ZNF831: variants seen among roughly 807,000 people sequenced by gnomAD.
ZNF831 encodes the protein zinc finger protein 831.
A neutral mutation model predicts 95.8 loss-of-function variants in ZNF831; 59 were observed. The observed-to-expected ratio is 0.62, with a 90% CI of 0.50 to 0.77. ZNF831 has a LOEUF of 0.77. Ranked by LOEUF, ZNF831 falls within the 30% of genes least tolerant of loss-of-function variation. The pLI, the probability that ZNF831 is intolerant of heterozygous loss-of-function variation, is 0.00. For missense variants in ZNF831, 2,205 were observed against 2,164.0 expected (o/e 1.02, Z -0.38); for synonymous variants, 961 against 925.5 (o/e 1.04, Z -0.70).
chr20:59,197,843 C>G (rs759456240), intron 3 of ZNF831, among the ~76,000 whole-genome samples: 2 of 152,124 alleles, frequency 1.3e-5, no homozygotes, highest in African/African-American at 4.8e-5. Flanking sequence ...GCCATCCAGA[C>G]GGAGGAGCTG....
chr20:59,195,323 C>T (rs1984005584), intron 2 of ZNF831, among the ~76,000 whole-genome samples: 1 of 152,208 alleles, frequency 6.6e-6, no homozygotes, highest in Admixed American at 6.5e-5. Flanking sequence ...GGGGTTCACG[C>T]ACCTGGTTGT....
At chr20:59,203,776 AT>A (rs1460234334) in intron 3 of ZNF831, among the ~76,000 whole-genome samples, 1 of 152,160 alleles carries the variant, frequency 6.6e-6, no homozygotes, top group Non-Finnish European at 1.5e-5. Flanking sequence ...ACAAAACTAC[AT>A]GAGTTAAAGA....
intron 3 of ZNF831, among the ~76,000 whole-genome samples, chr20:59,196,304 G>A: frequency 6.6e-6 from 1 of 152,274 alleles, no homozygotes; most frequent in South Asian, 2.1e-4. Context: ...AGCTTTTATT[G>A]TGTTTTTAAT....
chr20:59,162,984 C>A (rs1012652196), upstream of ZNF831, among the ~76,000 whole-genome samples: 2 of 150,978 alleles, frequency 1.3e-5, no homozygotes, highest in African/African-American at 4.9e-5. Flanking sequence ...TTGTAGAGAT[C>A]TTTCACCTCC....
chr20:59,168,978 T>C (rs1981512332), intron 1 of ZNF831, among the ~76,000 whole-genome samples: 1 of 152,190 alleles, frequency 6.6e-6, no homozygotes, highest in Admixed American at 6.5e-5. Context: ...AGGTTTTGAG[T>C]CTGTGTTCAT....
chr20:59,127,695 C>T (rs1459373000), intron 1 of ZNF831, among the ~76,000 whole-genome samples: 2 of 152,192 alleles, frequency 1.3e-5, no homozygotes, highest in African/African-American at 4.8e-5. Context: ...GTGTTTCCTG[C>T]CTGTGACTCC....
intron 1 of ZNF831, among the ~76,000 whole-genome samples, chr20:59,186,076 G>A (rs930320707): frequency 5.9e-5 from 9 of 152,194 alleles, no homozygotes; most frequent in African/African-American, 1.7e-4. Flanking sequence ...AGGCAGTCCC[G>A]ATGCAGGCAG....
chr20:59,147,057 T>C (rs893724550), intron 2 of ZNF831: 13 of 151,366 alleles, frequency 8.6e-5, no homozygotes, highest in African/African-American at 2.7e-4. Flanking sequence ...GGGAGCTGAG[T>C]GGGGACATCG....
chr20:59,162,123 G>A (rs1156623373), upstream of ZNF831, among the ~76,000 whole-genome samples: 1 of 152,032 alleles, frequency 6.6e-6, no homozygotes, highest in Non-Finnish European at 1.5e-5. Context: ...GTTGTTGTTT[G>A]TTTAAGTTCC....
intron 1 of ZNF831, among the ~76,000 whole-genome samples, chr20:59,187,194 G>A (rs1202310365): frequency 6.6e-6 from 1 of 152,180 alleles, no homozygotes; most frequent in Admixed American, 6.5e-5. Flanking sequence ...GTATGTAGGA[G>A]CTGGTGTGAA....
At chr20:59,150,529 G>T (rs1005159869) in intron 2 of ZNF831, among the ~76,000 whole-genome samples, 1 of 152,186 alleles carries the variant, frequency 6.6e-6, no homozygotes, top group African/African-American at 2.4e-5. Flanking sequence ...AGGCAATCCT[G>T]TATTTTTATA....
intron 1 of ZNF831, among the ~76,000 whole-genome samples, chr20:59,166,005 G>A (rs1190056386): frequency 6.6e-6 from 1 of 152,102 alleles, no homozygotes; most frequent in African/African-American, 2.4e-5. Context: ...ATCTGCCTCG[G>A]CCTCCCAAAG....
At chr20:59,148,231 T>G (rs1979985130) in intron 2 of ZNF831, among the ~76,000 whole-genome samples, 1 of 151,912 alleles carries the variant, frequency 6.6e-6, no homozygotes, top group Non-Finnish European at 1.5e-5. Flanking sequence ...CTCATCAGAG[T>G]AGGCTGGGAG....
rs1015377012 is a variant in ZNF831 at position 59,196,492 on chromosome 20, C to T, written c.3875+487C>T. Among the ~76,000 whole-genome samples the T allele has an allele frequency of 7.9e-5, 12 of 152,194 alleles. No individual in the cohort carries two copies. The East Asian group carries it at 2.1e-3, about 27-fold the overall frequency. The stretch of plus-strand genomic sequence containing the variant: ...TTTGCACATATCCACCCCCAACAAA[C>T]AGGAGGCCCTGTGGATTTTCCTGCC... On this transcript the variant is annotated intron_variant, in intron 3 of 5. Coordinates refer to ENST00000371030, the MANE Select transcript of ZNF831 (RefSeq NM_178457.3).
In ZNF831 at chr20:59,192,694, C is replaced by G; in HGVS notation, c.1675C>G (p.Arg559Gly). ...GACTGACGTTCCCAGTGGGCATCCCCGGGCCCTGGTCAGACAGGCCGCGGT... is the reference window on the plus strand; with the variant it reads ...GACTGACGTTCCCAGTGGGCATCCCGGGGCCCTGGTCAGACAGGCCGCGGT... Reference protein sequence around the residue: ...SSTDVPSGHPRALVRQAAVED... With the variant: ...SSTDVPSGHPGALVRQAAVED... The change falls in exon 2 of 6, where the codon CGG becomes GGG. Residue 559 changes from arginine (R) to glycine (G), a missense_variant. By Grantham distance (125) the Arg-to-Gly change is moderately radical. Transcript: ENST00000371030. The surrounding 1 kb of genome is among the most constrained non-coding windows in gnomAD (Gnocchi z 5.2). 1 of 1,580,628 alleles carries G rather than the reference C, an allele frequency of 6.3e-7. No individual in the cohort carries two copies. The highest frequency in any genetic ancestry group is 8.6e-7 in the Non-Finnish European group (1 of 1,165,054).
At chr20:59,133,929 G>A (rs759755925) in intron 1 of ZNF831, among the ~76,000 whole-genome samples, 8 of 152,226 alleles carry the variant, frequency 5.3e-5, no homozygotes, top group Non-Finnish European at 8.8e-5. Context: ...CAGCAGTGCC[G>A]TGGGATAAGA....
At position 59,211,815 on chromosome 20, in the gene ZNF831, G is replaced by A. The variant is rs542682010; in HGVS notation, c.4027+4759G>A. ...TGTGTGTGTGTGTGTGTGTTTGCTCGTGAGTGTGCCTGTGTTTTTTTCTTT... is the reference window on the plus strand; with the variant it reads ...TGTGTGTGTGTGTGTGTGTTTGCTCATGAGTGTGCCTGTGTTTTTTTCTTT... On this transcript the variant is annotated intron_variant, in intron 4 of 5. Coordinates refer to ENST00000371030, the MANE Select transcript of ZNF831 (RefSeq NM_178457.3). Among the ~76,000 whole-genome samples, 8 of 151,696 alleles carry A rather than the reference G, an allele frequency of 5.3e-5. No individual in the cohort carries two copies. The East Asian group carries it at 5.8e-4, about 11-fold the overall frequency.
In ZNF831 at chr20:59,150,817, C is replaced by T. The variant is rs142032655; in HGVS notation, c.-1281+4443C>T. Among the ~76,000 whole-genome samples, 73 of 152,332 alleles carry T rather than the reference C, an allele frequency of 4.8e-4. No individual in the cohort carries two copies. The Middle Eastern group carries it at 0.01, about 21-fold the overall frequency. On this transcript the variant is annotated intron_variant, in intron 2 of 7. Coordinates refer to the ZNF831 transcript ENST00000637017. The stretch of plus-strand genomic sequence containing the variant: ...CTCAGGGAGGTTGGTGTGGCGCACC[C>T]GAACGCTCAGTCAGCTCCTGGCCTG...
At chr20:59,183,647 C>T (rs1184205366) in intron 1 of ZNF831, among the ~76,000 whole-genome samples, 2 of 152,310 alleles carry the variant, frequency 1.3e-5, no homozygotes, top group African/African-American at 2.4e-5. Flanking sequence ...ATGGTTTATA[C>T]CTTGCATTTC....
Sources: allele counts gnomAD v4.1 joint callset (sites outside exome capture counted in the v4.1 genomes callset), GRCh38; gene constraint gnomAD v4.1.1; non-coding constraint Gnocchi (gnomAD v3.1); transcripts MANE v1.5; gene names NCBI Gene and HGNC (gene_info 2026-07-23, HGNC 2026-07-21).